Variants in SRPK2 observed in about 807,000 individuals in gnomAD.
The protein encoded by SRPK2 is SFRS protein kinase 2.
A neutral mutation model predicts 90.8 loss-of-function variants in SRPK2; 21 were observed. The ratio of observed to expected loss-of-function variants is 0.23; its 90% CI spans 0.16 to 0.33. The LOEUF (loss-of-function observed/expected upper bound fraction) is 0.33, where lower values mean the gene tolerates loss of function less well. SRPK2 is among the 10% of genes least tolerant of loss of function. SRPK2 has a pLI of 1.00. For missense variants in SRPK2, 620 were observed against 869.0 expected (o/e 0.71, Z 3.60); for synonymous variants, 288 against 311.1 (o/e 0.93, Z 0.78).
intron 2 of SRPK2, among the ~76,000 whole-genome samples, chr7:105,318,192 A>G (rs1812521304): frequency 6.6e-6 from 1 of 152,144 alleles, no homozygotes. Context: ...CCTCCTGGGT[A>G]CAAGCGATTC....
At chr7:105,339,446 A>C (rs1222338164) in intron 2 of SRPK2, among the ~76,000 whole-genome samples, 1 of 152,208 alleles carries the variant, frequency 6.6e-6, no homozygotes, top group East Asian at 1.9e-4. Context: ...TCTCATCTTC[A>C]AGGAGCTCAC....
At chr7:105,175,149 A>AAAAG (rs1227470812) in intron 3 of SRPK2, among the ~76,000 whole-genome samples, 1 of 152,040 alleles carries the variant, frequency 6.6e-6, no homozygotes, top group African/African-American at 2.4e-5. Context: ...CAAAAAAAAA[A>AAAAG]AAAGAAAGAA....
intron 2 of SRPK2, among the ~76,000 whole-genome samples, chr7:105,276,707 C>T (rs910281033): frequency 3.9e-5 from 6 of 152,124 alleles, no homozygotes; most frequent in African/African-American, 1.4e-4. Flanking sequence ...CACTGCACTC[C>T]ACTCTGGGCA....
At chr7:105,262,356 T>C (rs1032479895) in intron 2 of SRPK2, among the ~76,000 whole-genome samples, 7 of 152,124 alleles carry the variant, frequency 4.6e-5, no homozygotes, top group African/African-American at 1.2e-4. Context: ...CAAAATGTCA[T>C]GATTTCTTGG....
intron 7 of SRPK2, among the ~76,000 whole-genome samples, chr7:105,155,172 A>T (rs998118905): frequency 4.0e-5 from 6 of 150,854 alleles, no homozygotes; most frequent in African/African-American, 1.5e-4. Context: ...AGTAGAGACA[A>T]GGTTTCACTA....
chr7:105,152,337 C>T (rs750452886), intron 7 of SRPK2, among the ~76,000 whole-genome samples: 24 of 151,864 alleles, frequency 1.6e-4, no homozygotes, highest in Admixed American at 2.6e-4. Context: ...TTAGTAGAGA[C>T]GGGGTTTTCG....
At chr7:105,357,816 G>T (rs1038940598) in intron 2 of SRPK2, among the ~76,000 whole-genome samples, 1 of 151,928 alleles carries the variant, frequency 6.6e-6, no homozygotes, top group African/African-American at 2.4e-5. Flanking sequence ...TTGGAGAAAT[G>T]GGAACTATCA....
intron 1 of SRPK2, among the ~76,000 whole-genome samples, chr7:105,395,078 G>A (rs1013440358): frequency 6.6e-6 from 1 of 151,958 alleles, no homozygotes; most frequent in Admixed American, 6.6e-5. Context: ...GAGGCTGAGG[G>A]AGGAGAATCA....
chr7:105,176,013 G>T (rs899238573), intron 3 of SRPK2, among the ~76,000 whole-genome samples: 4 of 152,046 alleles, frequency 2.6e-5, no homozygotes, highest in African/African-American at 9.7e-5. Context: ...CCAAAGCCAG[G>T]CAAAGACATT....
chr7:105,231,282 C>T (rs1585268851), intron 2 of SRPK2, among the ~76,000 whole-genome samples: 1 of 152,168 alleles, frequency 6.6e-6, no homozygotes. Context: ...TTTATGGCTG[C>T]ATAGTGTTAC....
chr7:105,218,833 T>C (rs992704040), intron 2 of SRPK2, among the ~76,000 whole-genome samples: 3 of 151,516 alleles, frequency 2.0e-5, no homozygotes, highest in African/African-American at 7.3e-5. Flanking sequence ...GACTGATAAA[T>C]CCTATTCATT....
rs528406653 is a variant in SRPK2, at chr7:105,328,056, G to T, written c.71+60592C>A. The stretch of plus-strand genomic sequence containing the variant: ...CTCCCAAAGTGCTGGGATTACAGGC[G>T]TGAGCCACAATGCCCAGCCTATAGG... On this transcript the variant is annotated intron_variant, in intron 2 of 15. Transcript: ENST00000393651. Among the ~76,000 whole-genome samples, 205 of 152,256 alleles carry T rather than the reference G, an allele frequency of 1.3e-3. 2 individuals are homozygous for T. The highest frequency in any genetic ancestry group is 1.7e-3 in the Admixed American group (26 of 15,294).
At chr7:105,283,926 G>C (rs887594331) in intron 2 of SRPK2, among the ~76,000 whole-genome samples, 1 of 152,022 alleles carries the variant, frequency 6.6e-6, no homozygotes, top group Admixed American at 6.5e-5. Context: ...GAAAGTCAAC[G>C]CTATAGTGAG....
chr7:105,206,132 T>G (rs1395303151), intron 2 of SRPK2, among the ~76,000 whole-genome samples: 1 of 152,106 alleles, frequency 6.6e-6, no homozygotes, highest in African/African-American at 2.4e-5. Flanking sequence ...TATATGTCAG[T>G]AGCACACAGC....
chr7:105,176,878 G>A (rs567455343), intron 3 of SRPK2, among the ~76,000 whole-genome samples: 26 of 151,946 alleles, frequency 1.7e-4, no homozygotes, highest in Admixed American at 7.9e-4. Flanking sequence ...CAGGTGATCC[G>A]CCTGCCCCGG....
intron 2 of SRPK2, among the ~76,000 whole-genome samples, chr7:105,264,426 T>C (rs2130201019): frequency 6.6e-6 from 1 of 152,268 alleles, no homozygotes; most frequent in South Asian, 2.1e-4. Context: ...CAACACACAA[T>C]CTCTATCAAT....
chr7:105,266,839 A>C (rs999640452), intron 2 of SRPK2, among the ~76,000 whole-genome samples: 1 of 152,220 alleles, frequency 6.6e-6, no homozygotes, highest in Non-Finnish European at 1.5e-5. Flanking sequence ...CAAATTAAAA[A>C]GACAAATGAT....
chr7:105,324,738 T>C (rs1813368478), intron 2 of SRPK2, among the ~76,000 whole-genome samples: 1 of 151,970 alleles, frequency 6.6e-6, no homozygotes, highest in Non-Finnish European at 1.5e-5. Flanking sequence ...AATACAAAAA[T>C]TAGCCGAATG....
Position 105,244,928 on chromosome 7 carries a change from C to T in SRPK2, c.72-41143G>A, listed in dbSNP as rs1171910019. ...AGAGGAAGCGGGAGGAGCAAAGCAA[C>T]GTCCTGGCCGCCATGAGGAAAGCCG... On this transcript the variant is annotated intron_variant, in intron 2 of 15. Transcript: ENST00000393651. 12 of 1,476,764 alleles carry T rather than the reference C, an allele frequency of 8.1e-6. No homozygotes were observed. In the East Asian group the frequency reaches 2.1e-4, roughly 26 times the overall value. 91.5% of individuals were successfully genotyped at this position (1,476,764 alleles called of 1,614,324 possible). A position where few individuals can be genotyped will look rare whatever the true frequency, so the allele number is the denominator to read the frequency against.
Sources: allele counts gnomAD v4.1 joint callset (sites outside exome capture counted in the v4.1 genomes callset), GRCh38; gene constraint gnomAD v4.1.1; transcripts MANE v1.5; gene names NCBI Gene and HGNC (gene_info 2026-07-23, HGNC 2026-07-21).